Variants in PCDHA8 observed in about 807,000 individuals in gnomAD.
PCDHA8 encodes protocadherin alpha 8.
PCDHA8 carries 53 observed loss-of-function variants against 61.8 expected under a neutral mutation model. That is an observed-to-expected ratio of 0.86 (90% CI 0.69 to 1.08). PCDHA8 has a LOEUF of 1.08. PCDHA8 is among the 50% of genes least tolerant of loss of function. PCDHA8 has a pLI of 0.00. For synonymous variants in PCDHA8, 618 were observed against 556.6 expected (o/e 1.11, Z -1.55); for missense variants, 1,293 against 1,245.0 (o/e 1.04, Z -0.58).
chr5:140,987,214 A>G (rs78124050), intron 3 of PCDHA8, among the ~76,000 whole-genome samples: 3 of 131,916 alleles, frequency 2.3e-5, no homozygotes, highest in Admixed American at 2.2e-4. Context: ...ACTCCATCTC[A>G]AAAAAAAAAA....
In PCDHA8 at chr5:140,857,847, C is replaced by G. The variant is rs782775653; in HGVS notation, c.2394+14132C>G. The G allele has an allele frequency of 1.4e-5, 23 of 1,597,872 alleles. 1 individual carries two copies. The South Asian group carries it at 2.0e-4, about 14-fold the overall frequency. On this transcript the variant is annotated intron_variant, in intron 1 of 3. Coordinates refer to ENST00000531613, the MANE Select transcript of PCDHA8 (RefSeq NM_018911.3). Reference sequence around the variant, plus strand: ...AAGGTGCGCGCAGTGGACGCTGACTCTGGATACAACGCGTGGCTGTCGTAT... The same window carrying G: ...AAGGTGCGCGCAGTGGACGCTGACTGTGGATACAACGCGTGGCTGTCGTAT...
chr5:140,879,872 T>C (rs944464993), intron 1 of PCDHA8, among the ~76,000 whole-genome samples: 1 of 152,208 alleles, frequency 6.6e-6, no homozygotes, highest in African/African-American at 2.4e-5. Context: ...GCTTTCATGG[T>C]CACATTGCCT....
At chr5:140,898,543 A>G (rs1284006764) in intron 1 of PCDHA8, among the ~76,000 whole-genome samples, 2 of 152,224 alleles carry the variant, frequency 1.3e-5, no homozygotes, top group East Asian at 3.9e-4. Flanking sequence ...TGTTCCATTT[A>G]TCTATGTCTC....
At chr5:140,860,712 GA>G (rs1321036052) in intron 1 of PCDHA8, 1 of 152,188 alleles carries the variant, frequency 6.6e-6, no homozygotes, top group African/African-American at 2.4e-5. Flanking sequence ...TGTTCTCCAT[GA>G]AAAGTTTTTT....
At chr5:140,850,821 C>T in intron 1 of PCDHA8, 1 of 1,598,302 alleles carries the variant, frequency 6.3e-7, no homozygotes, top group Non-Finnish European at 8.6e-7. Flanking sequence ...CAGCCCGGGC[C>T]TTTCTCCTTG....
intron 1 of PCDHA8, among the ~76,000 whole-genome samples, chr5:140,920,489 A>G (rs1323711960): frequency 2.6e-5 from 4 of 152,182 alleles, no homozygotes; most frequent in African/African-American, 9.7e-5. Flanking sequence ...TGGTCCAACA[A>G]TAGAGTTCTA....
intron 1 of PCDHA8, among the ~76,000 whole-genome samples, chr5:140,889,040 A>G (rs1313734637): frequency 4.6e-5 from 7 of 152,094 alleles, no homozygotes; most frequent in African/African-American, 1.4e-4. Context: ...TAATTTGATT[A>G]TAATTTATAA....
chr5:140,985,759 T>TTTTA (rs2097169056), intron 3 of PCDHA8, among the ~76,000 whole-genome samples: 2 of 149,086 alleles, frequency 1.3e-5, no homozygotes, highest in East Asian at 2.0e-4. Context: ...TTTTTTTTTT[T>TTTTA]GAGACAGTCT....
At chr5:140,849,958 C>T in intron 1 of PCDHA8, 1 of 1,597,890 alleles carries the variant, frequency 6.3e-7, no homozygotes, top group South Asian at 1.1e-5. Context: ...CAGGAGAACG[C>T]CCTGGTGTCC....
rs181578390 is a variant in PCDHA8, at chr5:140,923,666, G to A, written c.2395-55283G>A. Among the ~76,000 whole-genome samples, 434 of 152,230 alleles carry A rather than the reference G, an allele frequency of 2.9e-3. 2 individuals are homozygous for A. Among genetic ancestry groups the A allele is most frequent in the Middle Eastern group, 0.014 (4 of 294 alleles). On this transcript the variant is annotated intron_variant, in intron 1 of 3. Coordinates refer to ENST00000531613, the MANE Select transcript of PCDHA8 (RefSeq NM_018911.3). ...TAGCCTCCCTTATCTTTGGGATATC[G>A]TTCTCTCTTAAATGTTGCTTTCTCA...
chr5:140,887,565 T>C (rs1214384060), intron 1 of PCDHA8, among the ~76,000 whole-genome samples: 2 of 152,180 alleles, frequency 1.3e-5, no homozygotes, highest in Admixed American at 1.3e-4. Context: ...TTAAAACTTT[T>C]CTTTTTATCC....
rs782346022 is a variant in PCDHA8 at position 140,877,702 on chromosome 5, G to A, written c.2394+33987G>A. On this transcript the variant is annotated intron_variant, in intron 1 of 3. Coordinates refer to ENST00000531613, the MANE Select transcript of PCDHA8 (RefSeq NM_018911.3). Reference sequence around the variant, plus strand: ...CAAGCCCACGCTGGTGTGCTCCAGCGCCGTGGGGAGTTGGTCTTACTCGCA... The same window carrying A: ...CAAGCCCACGCTGGTGTGCTCCAGCACCGTGGGGAGTTGGTCTTACTCGCA... 52 of 1,613,876 alleles carry A rather than the reference G, an allele frequency of 3.2e-5. No homozygotes were observed. In the Admixed American group the frequency reaches 8.7e-4, roughly 27 times the overall value.
chr5:140,943,742 T>C (rs1326111617), intron 1 of PCDHA8, among the ~76,000 whole-genome samples: 2 of 152,200 alleles, frequency 1.3e-5, no homozygotes, highest in Non-Finnish European at 2.9e-5. Context: ...GTCCACAGTC[T>C]AAAAGCAGTA....
At chr5:140,954,512 T>C (rs2095046956) in intron 1 of PCDHA8, among the ~76,000 whole-genome samples, 1 of 152,254 alleles carries the variant, frequency 6.6e-6, no homozygotes, top group Non-Finnish European at 1.5e-5. Flanking sequence ...TGCATTTACC[T>C]AATGATCAGT....
chr5:140,860,307 G>A (rs181918299), intron 1 of PCDHA8: 3 of 152,082 alleles, frequency 2.0e-5, no homozygotes, highest in Admixed American at 2.0e-4. Flanking sequence ...CTTGAGCCTG[G>A]GAAGTTGAGG....
intron 1 of PCDHA8, chr5:140,930,027 T>A (rs1554207548): frequency 6.6e-6 from 1 of 152,190 alleles, no homozygotes; most frequent in Non-Finnish European, 1.5e-5. Context: ...CATAGCAGTG[T>A]TTTGTAACTG....
intron 1 of PCDHA8, chr5:140,869,875 G>C: frequency 1.2e-6 from 2 of 1,610,396 alleles, no homozygotes. Flanking sequence ...TGCTGCTAAA[G>C]AAACTCTTGT....
intron 1 of PCDHA8, chr5:140,882,427 G>A: frequency 6.2e-7 from 1 of 1,614,090 alleles, no homozygotes; most frequent in Non-Finnish European, 8.5e-7. Flanking sequence ...AGGACCTGGG[G>A]CTGGAGCTGG....
intron 1 of PCDHA8, chr5:140,969,073 G>T (rs781937942): frequency 2.5e-6 from 4 of 1,614,092 alleles, no homozygotes; most frequent in South Asian, 2.2e-5. Flanking sequence ...CCAGGATACC[G>T]CATGGCCTCA....
Sources: gnomAD v4.1 joint callset for allele counts (sites outside exome capture counted in the v4.1 genomes callset) on GRCh38, gnomAD v4.1.1 for gene constraint, MANE v1.5 for transcripts, NCBI Gene and HGNC (gene_info 2026-07-23, HGNC 2026-07-21) for gene names.